The following BPIFC variants were observed in gnomAD, a reference collection of about 807,000 sequenced individuals.
BPIFC encodes BPI fold-containing family C protein.
BPIFC carries 60 observed loss-of-function variants against 57.6 expected under a neutral mutation model. The observed-to-expected ratio is 1.04, with a 90% CI of 0.85 to 1.29. The LOEUF is 1.29. Among genes scored for constraint, BPIFC ranks in the 50% most tolerant of loss-of-function variants. BPIFC has a pLI of 0.00. For missense variants in BPIFC, 581 were observed against 600.5 expected, an observed-to-expected ratio of 0.97 and a Z score of 0.34; for synonymous variants, 243 against 224.5, an observed-to-expected ratio of 1.08 and a Z score of -0.74.
Position 32,445,674 on chromosome 22 carries a change from C to A in BPIFC, c.555G>T (p.Glu185Asp). ...TCTTTAAAATGGGTTTCTCCATGGG[C>A]TCAGCAAAGGAGTTATACAGAACAC... The part of the protein sequence containing the change: ...ELSVLYNSFA[E>D]PMEKPILKNL... The change falls in exon 7 of 17, where the codon GAG becomes GAT. Residue 185 changes from glutamate (E) to aspartate (D), a missense_variant. Transcript: ENST00000300399. The A allele has an allele frequency of 6.6e-7, 1 of 1,512,396 alleles. No individual in the cohort carries two copies. The highest frequency in any genetic ancestry group is 2.4e-5 in the East Asian group (1 of 42,158). 93.7% of individuals were successfully genotyped at this position (1,512,396 alleles called of 1,614,324 possible).
intron 7 of BPIFC, among the ~76,000 whole-genome samples, chr22:32,443,673 G>T (rs1239088798): frequency 2.0e-5 from 3 of 152,202 alleles, no homozygotes; most frequent in Non-Finnish European, 4.4e-5. Context: ...TACAGCACAG[G>T]CTTGGCTGCC....
intron 7 of BPIFC, among the ~76,000 whole-genome samples, chr22:32,443,162 C>CATT (rs1555879034): frequency 4.5e-5 from 6 of 133,852 alleles, no homozygotes; most frequent in Admixed American, 1.5e-4. Context: ...AGAGCTGGAG[C>CATT]TTTTTTTTTT....
At chr22:32,432,122 T>G (rs1934261224) in intron 12 of BPIFC, among the ~76,000 whole-genome samples, 1 of 152,082 alleles carries the variant, frequency 6.6e-6, no homozygotes, top group Non-Finnish European at 1.5e-5. Flanking sequence ...AATTTTTTTT[T>G]TTTTGGAGAG....
intron 13 of BPIFC, among the ~76,000 whole-genome samples, chr22:32,424,259 G>A (rs1933932506): frequency 1.3e-5 from 2 of 152,186 alleles, no homozygotes; most frequent in Non-Finnish European, 2.9e-5. Context: ...TTCAAATCCA[G>A]ATATGCCTGA....
intron 10 of BPIFC, 106 bp downstream of exon 10, chr22:32,435,598 A>G: frequency 8.3e-7 from 1 of 1,199,856 alleles, no homozygotes; most frequent in Non-Finnish European, 1.2e-6. Flanking sequence ...GTGATAGCCT[A>G]AAAAGGTCCC....
chr22:32,443,195 G>T (rs368009694), intron 7 of BPIFC, among the ~76,000 whole-genome samples: 1 of 142,960 alleles, frequency 7.0e-6, no homozygotes, highest in African/African-American at 2.6e-5. Context: ...ACGAAGTCTC[G>T]CTCTGTCACC....
intron 14 of BPIFC, 43 bp from the exon 15 acceptor site, chr22:32,417,191 T>A (rs1265690504): frequency 6.5e-5 from 5 of 76,418 alleles, no homozygotes; most frequent in Non-Finnish European, 8.9e-5. Context: ...AGATCGGGCT[T>A]TTTTTTTTTT....
chr22:32,450,131 CA>C (rs1934853266), intron 4 of BPIFC, among the ~76,000 whole-genome samples: 1 of 96,022 alleles, frequency 1.0e-5, no homozygotes, highest in Non-Finnish European at 2.2e-5. Flanking sequence ...CACACACACA[CA>C]CACACACACA....
rs1445334980 is a variant in BPIFC at position 32,414,301 on chromosome 22, A to T, written c.*2T>A. On this transcript the variant is annotated 3_prime_UTR_variant, in exon 17 of 17. Transcript: ENST00000300399. ...TTCCTGGGGTGAATTGCAAACCGGCAATCAAGGGGCTGACTTCCCCCTCCA... is the reference window on the plus strand; with the variant it reads ...TTCCTGGGGTGAATTGCAAACCGGCTATCAAGGGGCTGACTTCCCCCTCCA... 1 of 1,612,746 alleles carries T rather than the reference A, an allele frequency of 6.2e-7. No homozygotes were observed. Among genetic ancestry groups the T allele is most frequent in the Non-Finnish European group, 8.5e-7 (1 of 1,179,442 alleles).
intron 10 of BPIFC, 26 bp from the exon 11 acceptor site, chr22:32,433,798 C>G (rs1934313316): frequency 6.2e-7 from 1 of 1,601,586 alleles, no homozygotes; most frequent in Non-Finnish European, 8.6e-7. Flanking sequence ...CATTATGTCA[C>G]TGTTAGGATT....
chr22:32,462,207 G>C (rs11704047), intron 1 of BPIFC, among the ~76,000 whole-genome samples: 1 of 121,360 alleles, frequency 8.2e-6, no homozygotes, highest in African/African-American at 3.0e-5. Flanking sequence ...AGAAAAAAAA[G>C]AAAAAAAAAA....
chr22:32,453,355 G>T (rs569627721), intron 4 of BPIFC, 28 bp downstream of exon 4: 3 of 1,510,568 alleles, frequency 2.0e-6, no homozygotes, highest in African/African-American at 1.4e-5. Context: ...CTTCTTATAA[G>T]AGGCAAAATG....
chr22:32,455,945 T>C (rs529114984), intron 3 of BPIFC, among the ~76,000 whole-genome samples: 18 of 152,220 alleles, frequency 1.2e-4, no homozygotes, highest in Non-Finnish European at 2.4e-4. Flanking sequence ...CCATGGATGA[T>C]CCCGTTTGAT....
chr22:32,424,753 C>CTCTTCTTCTTCTTCTTCTTCT (rs1556036707), intron 13 of BPIFC, among the ~76,000 whole-genome samples: 5 of 35,488 alleles, frequency 1.4e-4, no homozygotes, highest in African/African-American at 6.1e-4. Context: ...CTTCTTCTTC[C>CTCTTCTTCTTCTTCTTCTTCT]TCTTCTTCTT....
chr22:32,435,613 T>C, intron 10 of BPIFC, 91 bp downstream of exon 10: 1 of 1,368,002 alleles, frequency 7.3e-7, no homozygotes, highest in South Asian at 1.4e-5. Flanking sequence ...GGTCCCAGAA[T>C]CGAAATTGTG....
intron 13 of BPIFC, among the ~76,000 whole-genome samples, chr22:32,429,799 G>C (rs1934188171): frequency 6.6e-6 from 1 of 152,010 alleles, no homozygotes; most frequent in Admixed American, 6.6e-5. Context: ...ACAGGTGTGA[G>C]CGACCGCGCC....
chr22:32,436,031 AGGC>A, intron 9 of BPIFC, 151 bp from the exon 10 acceptor site: 7 of 802,328 alleles, frequency 8.7e-6, no homozygotes, highest in Non-Finnish European at 1.1e-5. Context: ...ACACTTTGGG[AGGC>A]TGAGGCGGGT....
rs547128608 is a variant in BPIFC, at chr22:32,442,041, C to T, written c.655+630G>A. On this transcript the variant is annotated intron_variant, in intron 8 of 16. Transcript: ENST00000300399. ...CAGTCGCCTGCCCACTGTTCACCTC[C>T]GGCTGTGCAGTCCAGTTTCTAACCT... 2.5e-3 allele frequency among the ~76,000 whole-genome samples: 379 copies of T among 152,302 alleles called. 1 individual carries two copies. The highest frequency in any genetic ancestry group is 8.2e-3 in the African/African-American group (341 of 41,558).
chr22:32,458,351 A>G (rs1935089428), intron 2 of BPIFC, among the ~76,000 whole-genome samples: 1 of 152,172 alleles, frequency 6.6e-6, no homozygotes, highest in Non-Finnish European at 1.5e-5. Context: ...CCGGTCTTGC[A>G]CTTCTTCAGA....
Sources: allele counts gnomAD v4.1 joint callset (sites outside exome capture counted in the v4.1 genomes callset), GRCh38; gene constraint gnomAD v4.1.1; transcripts MANE v1.5; gene names NCBI Gene and HGNC (gene_info 2026-07-23, HGNC 2026-07-21).